Variants in DLG2 observed in about 807,000 individuals in gnomAD.
DLG2 encodes the protein disks large homolog 2.
DLG2 carries 45 observed loss-of-function variants against 132.5 expected under a neutral mutation model. That is an observed-to-expected ratio of 0.34 (90% CI 0.27 to 0.44). The LOEUF is 0.44. Ranked by LOEUF, DLG2 falls within the 20% of genes least tolerant of loss-of-function variation. DLG2 has a pLI of 1.00. For missense variants in DLG2, 1,045 were observed against 1,196.9 expected, an observed-to-expected ratio of 0.87 and a Z score of 1.87; for synonymous variants, 424 against 419.6, an observed-to-expected ratio of 1.01 and a Z score of -0.13.
In DLG2 at chr11:83,786,760, G is replaced by A. The variant is rs201232310; in HGVS notation, c.1755C>T (p.His585=). Reference sequence around the variant, plus strand: ...CCTTTAGTGCAGCAGCTGCCTGCTCGTGGGATGCACCACGGAGGTCAATGC... The same window carrying A: ...CCTTTAGTGCAGCAGCTGCCTGCTCATGGGATGCACCACGGAGGTCAATGC... ...VNGIDLRGAS[H]EQAAAALKGA... is the part of the protein sequence containing the mutation. The change falls in exon 18 of 28, where the codon CAC becomes CAT. Residue 585 remains histidine, a synonymous_variant. Coordinates refer to ENST00000376104, the MANE Select transcript of DLG2 (RefSeq NM_001142699.3). 50 of 1,614,114 alleles carry A rather than the reference G, an allele frequency of 3.1e-5. No individual in the cohort carries two copies. The highest frequency in any genetic ancestry group is 4.0e-5 in the African/African-American group (3 of 75,044).
rs142098544 is a variant in DLG2 at position 84,946,018 on chromosome 11, T to A, written c.357+165643A>T. ...TCACTCAGGCCCATGGCAAGTACTG[T>A]CTGGCTACTTCCAATGTTCACTCAA... is the stretch of plus-strand genomic sequence containing the variant. On this transcript the variant is annotated intron_variant, in intron 6 of 27. Transcript: ENST00000376104. 3.0e-4 allele frequency among the ~76,000 whole-genome samples: 46 copies of A among 152,152 alleles called. No homozygotes were observed. The East Asian group carries it at 8.8e-3, about 29-fold the overall frequency.
intron 25 of DLG2, among the ~76,000 whole-genome samples, chr11:83,467,771 GTATATATATATATATA>G (rs1192401405): frequency 0.013 from 1,090 of 85,076 alleles, 51 homozygotes; most frequent in African/African-American, 0.041. Flanking sequence ...AAAACTATAT[GTATATATATATATATA>G]TATATATATA....
intron 17 of DLG2, among the ~76,000 whole-genome samples, chr11:83,815,684 G>A (rs906593801): frequency 1.3e-5 from 2 of 152,130 alleles, no homozygotes; most frequent in Non-Finnish European, 2.9e-5. Flanking sequence ...GGGGCAAGCC[G>A]AAAGAACCTG....
intron 16 of DLG2, among the ~76,000 whole-genome samples, chr11:83,843,153 T>C (rs936858424): frequency 1.3e-5 from 2 of 152,216 alleles, no homozygotes; most frequent in Non-Finnish European, 2.9e-5. Flanking sequence ...ACCACTTAAC[T>C]TCATTGTGCC....
chr11:84,091,649 T>C (rs990032024), intron 10 of DLG2, among the ~76,000 whole-genome samples: 20 of 152,234 alleles, frequency 1.3e-4, no homozygotes, highest in Admixed American at 8.5e-4. Flanking sequence ...TGTTGTTACA[T>C]GACAATTTAC....
chr11:85,067,689 C>A (rs938078711), intron 6 of DLG2, among the ~76,000 whole-genome samples: 3 of 151,822 alleles, frequency 2.0e-5, no homozygotes, highest in Non-Finnish European at 4.4e-5. Context: ...GGATTCACAG[C>A]CGAATTCTAC....
intron 11 of DLG2, among the ~76,000 whole-genome samples, chr11:84,034,476 T>C (rs546408447): frequency 3.3e-5 from 5 of 152,252 alleles, no homozygotes; most frequent in African/African-American, 1.2e-4. Flanking sequence ...CATATATAAA[T>C]TTTTTCAAAA....
chr11:84,427,231 G>A (rs1218090016), intron 7 of DLG2, among the ~76,000 whole-genome samples: 1 of 152,040 alleles, frequency 6.6e-6, no homozygotes, highest in Non-Finnish European at 1.5e-5. Flanking sequence ...AGGAAAAAGG[G>A]AATGAAGGAA....
intron 6 of DLG2, among the ~76,000 whole-genome samples, chr11:85,046,071 G>A (rs1262086925): frequency 6.6e-6 from 1 of 151,980 alleles, no homozygotes; most frequent in Non-Finnish European, 1.5e-5. Context: ...CAGCAACCCT[G>A]CTTCCTCCAT....
intron 6 of DLG2, among the ~76,000 whole-genome samples, chr11:84,570,938 G>GCCTA (rs1318986586): frequency 2.6e-5 from 4 of 152,106 alleles, no homozygotes; most frequent in Non-Finnish European, 5.9e-5. Flanking sequence ...CCTAGGAAAG[G>GCCTA]GGGTTGGAGG....
At chr11:83,694,153 A>G (rs12806068) in intron 18 of DLG2, among the ~76,000 whole-genome samples, 6,062 of 152,318 alleles carry the variant, frequency 0.04, 177 homozygotes, top group Middle Eastern at 0.092. Context: ...GTAGTAAGCA[A>G]CAGAGCTGGG....
chr11:85,179,897 T>A (rs1277070636), intron 4 of DLG2, among the ~76,000 whole-genome samples: 1 of 151,968 alleles, frequency 6.6e-6, no homozygotes. Flanking sequence ...TTTATACTAT[T>A]AGTGCACCAT....
chr11:83,742,210 A>AACACACACAC (rs67195725), intron 18 of DLG2, among the ~76,000 whole-genome samples: 2,163 of 147,074 alleles, frequency 0.015, 34 homozygotes, highest in South Asian at 0.035. Flanking sequence ...CCACACTTTT[A>AACACACACAC]ACACACACAC....
At chr11:85,062,288 G>T (rs998077804) in intron 6 of DLG2, among the ~76,000 whole-genome samples, 1 of 151,620 alleles carries the variant, frequency 6.6e-6, no homozygotes, top group Non-Finnish European at 1.5e-5. Flanking sequence ...AAAATGTAGG[G>T]GAAAGCTTAG....
chr11:84,713,473 T>G (rs1025170098), intron 6 of DLG2, among the ~76,000 whole-genome samples: 1 of 152,144 alleles, frequency 6.6e-6, no homozygotes, highest in African/African-American at 2.4e-5. Flanking sequence ...TGTAAATAGC[T>G]GTCTCCTTAA....
intron 2 of DLG2, among the ~76,000 whole-genome samples, chr11:85,604,624 A>G: frequency 6.6e-6 from 1 of 151,490 alleles, no homozygotes; most frequent in Non-Finnish European, 1.5e-5. Context: ...AAGACTCCTG[A>G]GTCTACAGGA....
At chr11:85,091,544 A>G (rs958378160) in intron 6 of DLG2, among the ~76,000 whole-genome samples, 11 of 152,254 alleles carry the variant, frequency 7.2e-5, no homozygotes, top group African/African-American at 2.4e-4. Flanking sequence ...CATTCTACCC[A>G]TAGTAAAACT....
At chr11:84,502,279 CTTCTTTCTTTCTTTCTTTCT>C (rs1160344483) in intron 7 of DLG2, among the ~76,000 whole-genome samples, 1 of 20,420 alleles carries the variant, frequency 4.9e-5, no homozygotes, top group African/African-American at 5.6e-4. Flanking sequence ...TCCTTCCTTC[CTTCTTTCTTTCTTTCTTTCT>C]TTCTTTCTTT....
intron 6 of DLG2, among the ~76,000 whole-genome samples, chr11:85,103,857 C>T (rs2071272493): frequency 6.6e-6 from 1 of 151,824 alleles, no homozygotes; most frequent in South Asian, 2.1e-4. Context: ...ATGTAAAGAA[C>T]TCTTACAACT....
Sources: gnomAD v4.1 joint callset for allele counts (sites outside exome capture counted in the v4.1 genomes callset) on GRCh38, gnomAD v4.1.1 for gene constraint, MANE v1.5 for transcripts, NCBI Gene and HGNC (gene_info 2026-07-23, HGNC 2026-07-21) for gene names.